Variants in TMOD3 observed in about 807,000 individuals in gnomAD.
TMOD3 encodes tropomodulin-3.
In TMOD3, 20 loss-of-function variants were observed where a neutral mutation model predicts 39.2. The observed-to-expected ratio is 0.51, with a 90% CI of 0.36 to 0.74. TMOD3 has a LOEUF of 0.74. TMOD3 is among the 30% of genes least tolerant of loss of function. The pLI is 0.00. For synonymous variants in TMOD3, 143 were observed against 145.8 expected, an observed-to-expected ratio of 0.98 and a Z score of 0.14; for missense variants, 381 against 412.8, an observed-to-expected ratio of 0.92 and a Z score of 0.67.
In TMOD3 at chr15:51,914,014, CA is replaced by C. The variant is rs10700020; in HGVS notation, c.*5223del. ...GGCAATGAGAGTGAAACTCTTATCT[CA>C]AAAAAAAAAAAAAAAAAAGAGCTAT... On this transcript the variant is annotated 3_prime_UTR_variant, in exon 10 of 10. Transcript: ENST00000308580. 49,441 of 117,782 alleles carry C rather than the reference CA, an allele frequency of 0.42. 9,526 individuals are homozygous for C. The highest frequency in any genetic ancestry group is 0.45 in the Non-Finnish European group (26,229 of 58,178). 7.3% of individuals were successfully genotyped at this position (117,782 alleles called of 1,614,324 possible).
intron 1 of TMOD3, among the ~76,000 whole-genome samples, chr15:51,845,628 A>T (rs1279034020): frequency 1.3e-5 from 2 of 152,046 alleles, no homozygotes; most frequent in African/African-American, 4.8e-5. Flanking sequence ...TGGTTGGCAC[A>T]CACTTGTTGT....
intron 9 of TMOD3, among the ~76,000 whole-genome samples, chr15:51,902,793 G>T (rs888086923): frequency 4.6e-5 from 7 of 152,046 alleles, no homozygotes; most frequent in Admixed American, 6.6e-5. Flanking sequence ...GGGGCTACAG[G>T]CGCCCGCCAC....
rs564274641 is a variant in TMOD3, at chr15:51,836,815, A to T, written c.-75+6979A>T. On this transcript the variant is annotated intron_variant, in intron 1 of 9. Transcript: ENST00000308580. Reference sequence around the variant, plus strand: ...TGCACCCTTTTTGAGCTATAAAGATATCCACTGCCTCGGGTATATATGTTC... The same window carrying T: ...TGCACCCTTTTTGAGCTATAAAGATTTCCACTGCCTCGGGTATATATGTTC... Among the ~76,000 whole-genome samples the T allele has an allele frequency of 2.6e-5, 4 of 152,290 alleles. No individual in the cohort carries two copies. In the South Asian group the frequency reaches 8.3e-4, roughly 32 times the overall value.
In TMOD3 at chr15:51,911,970, C is replaced by A. The variant is rs777276536; in HGVS notation, c.*3160C>A. The A allele has an allele frequency of 1.3e-5, 2 of 152,126 alleles. No individual in the cohort carries two copies. Among genetic ancestry groups the A allele is most frequent in the Non-Finnish European group, 2.9e-5 (2 of 68,030 alleles). The allele number at this position is 152,126 out of a possible 1,614,324, so 9.4% of individuals were successfully genotyped here. On this transcript the variant is annotated 3_prime_UTR_variant, in exon 10 of 10. Coordinates refer to ENST00000308580, the MANE Select transcript of TMOD3 (RefSeq NM_014547.5). ...TAGCTTGGTCATTTAATTGCGACTT[C>A]ATGTTATTTGATTGAAATAACCCAC...
chr15:51,900,034 A>C (rs1219645123), intron 7 of TMOD3, 121 bp from the exon 8 acceptor site: 1 of 998,604 alleles, frequency 1.0e-6, no homozygotes. Flanking sequence ...TACTGTGTCA[A>C]ACTGAAACAA....
intron 5 of TMOD3, among the ~76,000 whole-genome samples, chr15:51,893,138 T>C (rs761292294): frequency 2.6e-5 from 4 of 151,130 alleles, no homozygotes; most frequent in Middle Eastern, 3.5e-3. Context: ...CTACTAAAAA[T>C]ACAAAAATTA....
At chr15:51,851,138 G>C (rs2056359902) in intron 1 of TMOD3, among the ~76,000 whole-genome samples, 1 of 152,150 alleles carries the variant, frequency 6.6e-6, no homozygotes, top group African/African-American at 2.4e-5. Flanking sequence ...GATAAGGACT[G>C]CTGGGGGGTG....
rs946902071 is a variant in TMOD3, at chr15:51,859,495, C to G, written c.-74-3316C>G. 4.6e-6 allele frequency: 3 copies of G among 649,394 alleles called. No homozygotes were observed. The Admixed American group carries it at 5.5e-5, about 12-fold the overall frequency. The allele number at this position is 649,394 out of a possible 1,614,324, so 40.2% of individuals were successfully genotyped here. ...CTGTTCTGTAAACTTTTATACACAG[C>G]TCTGGCTTTTTTGTAGCCACCATGT... On this transcript the variant is annotated intron_variant, in intron 1 of 9. Coordinates refer to ENST00000308580, the MANE Select transcript of TMOD3 (RefSeq NM_014547.5).
At chr15:51,877,544 G>T (rs1288660034) in intron 3 of TMOD3, among the ~76,000 whole-genome samples, 2 of 152,140 alleles carry the variant, frequency 1.3e-5, no homozygotes, top group Non-Finnish European at 2.9e-5. Flanking sequence ...GCTGGGTGTG[G>T]TGGCGGGCGC....
chr15:51,896,390 A>T, intron 6 of TMOD3, 29 bp from the exon 7 acceptor site: 1 of 1,447,028 alleles, frequency 6.9e-7, no homozygotes, highest in Non-Finnish European at 9.6e-7. Context: ...ATTGAAATGT[A>T]ATGATGTTTT....
At chr15:51,891,997 A>G (rs2056595863) in intron 5 of TMOD3, among the ~76,000 whole-genome samples, 1 of 152,162 alleles carries the variant, frequency 6.6e-6, no homozygotes, top group African/African-American at 2.4e-5. Flanking sequence ...CTCCAGACTA[A>G]ATATATTCAG....
At chr15:51,858,935 T>A (rs963068182) in intron 1 of TMOD3, among the ~76,000 whole-genome samples, 1 of 152,040 alleles carries the variant, frequency 6.6e-6, no homozygotes, top group Non-Finnish European at 1.5e-5. Context: ...TACTCGGGAG[T>A]CTGAGGCAGG....
chr15:51,862,771 G>C lies in TMOD3; in HGVS notation c.-74-40G>C, dbSNP rs902972638. On this transcript the variant is annotated intron_variant, in intron 1 of 9. Coordinates refer to ENST00000308580, the MANE Select transcript of TMOD3 (RefSeq NM_014547.5). ...GAATTAGATCTAAGTAGGTGGAGATGACTTACTATTTAAAATGTATTTGTT... is the reference window on the plus strand; with the variant it reads ...GAATTAGATCTAAGTAGGTGGAGATCACTTACTATTTAAAATGTATTTGTT... 1.3e-5 allele frequency: 13 copies of C among 996,846 alleles called. No homozygotes were observed. In the Admixed American group the frequency reaches 2.3e-4, roughly 17 times the overall value. 61.8% of individuals were successfully genotyped at this position (996,846 alleles called of 1,614,324 possible).
At chr15:51,849,023 G>A (rs1359185336) in intron 1 of TMOD3, among the ~76,000 whole-genome samples, 1 of 152,174 alleles carries the variant, frequency 6.6e-6, no homozygotes, top group Non-Finnish European at 1.5e-5. Context: ...GTATGTTCCC[G>A]ATCAGCTTCT....
intron 3 of TMOD3, among the ~76,000 whole-genome samples, chr15:51,882,760 T>G (rs2056541417): frequency 6.6e-6 from 1 of 152,162 alleles, no homozygotes; most frequent in Non-Finnish European, 1.5e-5. Context: ...CTTACAACTG[T>G]GTTCTTGGCT....
chr15:51,900,061 A>G (rs1391602538), intron 7 of TMOD3, 94 bp from the exon 8 acceptor site: 1 of 893,942 alleles, frequency 1.1e-6, no homozygotes, highest in Non-Finnish European at 1.6e-6. Flanking sequence ...ACAAACATTA[A>G]GGCAGTTAAT....
chr15:51,904,646 G>C (rs1479531234), intron 9 of TMOD3, among the ~76,000 whole-genome samples: 1 of 152,194 alleles, frequency 6.6e-6, no homozygotes, highest in Non-Finnish European at 1.5e-5. Context: ...CAGGGGCGCT[G>C]ACCTTTGCAA....
intron 2 of TMOD3, among the ~76,000 whole-genome samples, chr15:51,863,537 G>A (rs2056429803): frequency 6.6e-6 from 1 of 152,306 alleles, no homozygotes; most frequent in Admixed American, 6.5e-5. Context: ...ATGAATATAT[G>A]TATGTAAGCT....
At chr15:51,868,169 C>T (rs1249509427) in intron 2 of TMOD3, among the ~76,000 whole-genome samples, 4 of 152,062 alleles carry the variant, frequency 2.6e-5, no homozygotes, top group African/African-American at 9.7e-5. Context: ...ATGTTGTAAT[C>T]ATGAAGAAGT....
Sources: allele counts gnomAD v4.1 joint callset (sites outside exome capture counted in the v4.1 genomes callset), GRCh38; gene constraint gnomAD v4.1.1; transcripts MANE v1.5; gene names NCBI Gene and HGNC (gene_info 2026-07-23, HGNC 2026-07-21).